TCEANC2: variants seen among roughly 807,000 people sequenced by gnomAD.
The protein encoded by TCEANC2 is transcription elongation factor A N-terminal and central domain-containing protein 2.
Under a neutral mutation model 22.8 loss-of-function variants are expected in TCEANC2, and 20 were observed. The observed-to-expected ratio is 0.88, with a 90% CI of 0.62 to 1.28. The LOEUF (loss-of-function observed/expected upper bound fraction) is 1.28. Ranked by LOEUF, TCEANC2 falls within the 50% of genes most tolerant of loss-of-function variation. The pLI is 0.00. For missense variants in TCEANC2, 251 were observed against 249.7 expected (o/e 1.01, Z -0.03); for synonymous variants, 84 against 95.5 (o/e 0.88, Z 0.70).
chr1:54,088,777 CCTTGGAATTAAAGGTAA>C lies in TCEANC2; in HGVS notation c.426_438+4del, dbSNP rs1338119343. 14 of 1,584,920 alleles carry C rather than the reference CCTTGGAATTAAAGGTAA, an allele frequency of 8.8e-6. No homozygotes were observed. The highest frequency in any genetic ancestry group is 1.1e-5 in the Non-Finnish European group (13 of 1,166,814). On this transcript the variant is annotated splice_donor_variant and splice_donor_region_variant and coding_sequence_variant and intron_variant, in exon 4 of 5. Transcript: ENST00000234827. LOFTEE classifies it high-confidence loss of function. ...AATGCTCAGAAATTACTCTCAGAAGCCTTGGAATTAAAGGTAATGCCCTAAATATATACAACTGTTAT... is the reference window on the plus strand; with the variant it reads ...AATGCTCAGAAATTACTCTCAGAAGCTGCCCTAAATATATACAACTGTTAT...
intron 2 of TCEANC2, among the ~76,000 whole-genome samples, chr1:54,065,207 A>C (rs1046750067): frequency 1.3e-5 from 2 of 152,226 alleles, no homozygotes; most frequent in Non-Finnish European, 2.9e-5. Flanking sequence ...GAAACACATC[A>C]AACAGGTTAA....
chr1:54,086,142 A>T (rs1222603628), intron 3 of TCEANC2, among the ~76,000 whole-genome samples: 1 of 152,068 alleles, frequency 6.6e-6, no homozygotes, highest in Non-Finnish European at 1.5e-5. Context: ...AATGTATGTT[A>T]TTCTTTATAT....
intron 3 of TCEANC2, among the ~76,000 whole-genome samples, chr1:54,076,468 G>A (rs935847929): frequency 2.6e-5 from 4 of 152,126 alleles, no homozygotes; most frequent in Admixed American, 2.6e-4. Context: ...GTATTCCATG[G>A]TGTATCTGTG....
intron 2 of TCEANC2, among the ~76,000 whole-genome samples, chr1:54,059,786 A>G (rs1657817581): frequency 6.6e-6 from 1 of 152,238 alleles, no homozygotes; most frequent in Non-Finnish European, 1.5e-5. Flanking sequence ...AAATGTATTG[A>G]ATAAACAGTA....
At chr1:54,056,466 C>T (rs1380606831) in intron 2 of TCEANC2, among the ~76,000 whole-genome samples, 1 of 152,028 alleles carries the variant, frequency 6.6e-6, no homozygotes, top group Middle Eastern at 3.2e-3. Flanking sequence ...GTGGGGATTA[C>T]AGGTGCCCGC....
At chr1:54,064,095 A>G (rs1011919239) in intron 2 of TCEANC2, among the ~76,000 whole-genome samples, 1 of 152,266 alleles carries the variant, frequency 6.6e-6, no homozygotes, top group Non-Finnish European at 1.5e-5. Context: ...CTTTCATAGA[A>G]CAGAATCCCC....
chr1:54,058,773 C>T (rs1203046372), intron 2 of TCEANC2, among the ~76,000 whole-genome samples: 1 of 152,124 alleles, frequency 6.6e-6, no homozygotes, highest in East Asian at 1.9e-4. Context: ...TCTCCTGCCT[C>T]AGCCTCCCAA....
At chr1:54,069,646 C>T (rs772039323) in intron 3 of TCEANC2, among the ~76,000 whole-genome samples, 10 of 150,146 alleles carry the variant, frequency 6.7e-5, no homozygotes, top group East Asian at 1.9e-4. Context: ...GTAGAGGAGA[C>T]GAGCATATAG....
intron 2 of TCEANC2, among the ~76,000 whole-genome samples, chr1:54,062,502 C>T (rs1657876941): frequency 6.6e-6 from 1 of 152,222 alleles, no homozygotes; most frequent in African/African-American, 2.4e-5. Flanking sequence ...TGTTCAGTTA[C>T]ACCTACTGTG....
intron 3 of TCEANC2, among the ~76,000 whole-genome samples, chr1:54,082,396 T>C (rs116321110): frequency 0.014 from 2,184 of 152,328 alleles, 30 homozygotes; most frequent in South Asian, 0.058. Flanking sequence ...CAAAACCAAT[T>C]TGAAAGTCAA....
chr1:54,093,103 A>G (rs1167026246), intron 4 of TCEANC2, among the ~76,000 whole-genome samples: 2 of 152,218 alleles, frequency 1.3e-5, no homozygotes, highest in Non-Finnish European at 2.9e-5. Context: ...CATGGAGAAG[A>G]GCAAAAACAT....
chr1:54,089,153 A>C (rs894998135), intron 4 of TCEANC2, among the ~76,000 whole-genome samples: 10 of 152,236 alleles, frequency 6.6e-5, no homozygotes, highest in Non-Finnish European at 1.3e-4. Flanking sequence ...CCTACCACTT[A>C]AGGTATTAAA....
intron 3 of TCEANC2, among the ~76,000 whole-genome samples, chr1:54,078,791 A>G (rs951958584): frequency 6.6e-6 from 1 of 152,300 alleles, no homozygotes; most frequent in East Asian, 1.9e-4. Flanking sequence ...GAGAAAATCT[A>G]TGCTGGGGAA....
chr1:54,084,152 A>G (rs1389633753), intron 3 of TCEANC2, among the ~76,000 whole-genome samples: 1 of 151,936 alleles, frequency 6.6e-6, no homozygotes, highest in Non-Finnish European at 1.5e-5. Context: ...AGCTGGAATT[A>G]TAGGCATTCA....
At chr1:54,077,674 G>T (rs898291288) in intron 3 of TCEANC2, among the ~76,000 whole-genome samples, 3 of 152,096 alleles carry the variant, frequency 2.0e-5, no homozygotes, top group African/African-American at 7.2e-5. Context: ...TGTGCCAGCA[G>T]AAGTTACATT....
intron 3 of TCEANC2, among the ~76,000 whole-genome samples, chr1:54,071,640 C>G (rs1658057018): frequency 6.6e-6 from 1 of 152,134 alleles, no homozygotes; most frequent in African/African-American, 2.4e-5. Flanking sequence ...AACGCCGATA[C>G]AGTTTGGAAG....
At chr1:54,054,282 T>G in intron 1 of TCEANC2, 99 bp from the exon 2 acceptor site, 1 of 1,462,040 alleles carries the variant, frequency 6.8e-7, no homozygotes, top group Admixed American at 2.8e-5. Flanking sequence ...GCCCCATAAT[T>G]CATGAATTCT....
At chr1:54,079,135 TA>T (rs879922217) in intron 3 of TCEANC2, among the ~76,000 whole-genome samples, 8 of 151,502 alleles carry the variant, frequency 5.3e-5, no homozygotes, top group African/African-American at 1.2e-4. Flanking sequence ...TATATATGAA[TA>T]TTCTGGGAAA....
chr1:54,109,495 T>C (rs1462244875), downstream of TCEANC2, among the ~76,000 whole-genome samples: 1 of 152,202 alleles, frequency 6.6e-6, no homozygotes, highest in Non-Finnish European at 1.5e-5. Context: ...AGTAAAATTA[T>C]GGTTACATGT....
Sources: allele counts gnomAD v4.1 joint callset (sites outside exome capture counted in the v4.1 genomes callset), GRCh38; gene constraint gnomAD v4.1.1; transcripts MANE v1.5; gene names NCBI Gene and HGNC (gene_info 2026-07-23, HGNC 2026-07-21).